Variants in PTPN2 observed in about 807,000 individuals in gnomAD.
PTPN2 encodes the protein protein tyrosine phosphatase non-receptor type 2.
PTPN2 carries 19 observed loss-of-function variants against 57.3 expected under a neutral mutation model. The ratio of observed to expected loss-of-function variants is 0.33; its 90% confidence interval spans 0.23 to 0.49. The LOEUF (loss-of-function observed/expected upper bound fraction) is 0.49. Among genes scored for constraint, PTPN2 ranks in the 20% least tolerant of loss-of-function variants. The probability of loss-of-function intolerance (pLI) is 0.99; values close to 1 mark genes in which losing one functional copy is unlikely to be tolerated. For missense variants in PTPN2, 358 were observed against 501.1 expected, an observed-to-expected ratio of 0.71 and a Z score of 2.73; for synonymous variants, 153 against 164.9, an observed-to-expected ratio of 0.93 and a Z score of 0.55.
intron 9 of PTPN2, chr18:12,786,078 C>T (rs2040837445): frequency 3.9e-6 from 2 of 514,090 alleles, no homozygotes; most frequent in Non-Finnish European, 6.8e-6. Context: ...GTGGAAGCAT[C>T]GTGACTTATA....
chr18:12,877,730 G>A (rs959608404), intron 1 of PTPN2, among the ~76,000 whole-genome samples: 14 of 152,292 alleles, frequency 9.2e-5, no homozygotes, highest in Admixed American at 6.5e-4. Context: ...GAAAAATGGC[G>A]GCCAGGCGCA....
chr18:12,809,305 T>A (rs8085163), intron 7 of PTPN2, among the ~76,000 whole-genome samples: 23,027 of 152,242 alleles, frequency 0.15, 1,944 homozygotes, highest in African/African-American at 0.21. Flanking sequence ...GAAAATATGT[T>A]TCCTGTGCTC....
intron 5 of PTPN2, among the ~76,000 whole-genome samples, chr18:12,820,497 A>G (rs532391521): frequency 1.3e-5 from 2 of 152,200 alleles, no homozygotes; most frequent in African/African-American, 2.4e-5. Context: ...GGGGAAAAAA[A>G]GGGTTGCCAA....
chr18:12,793,811 A>G lies in PTPN2; in HGVS notation c.*467T>C. The G allele has an allele frequency of 1.1e-6, 1 of 948,554 alleles. No individual in the cohort carries two copies. The highest frequency in any genetic ancestry group is 1.3e-6 in the Non-Finnish European group (1 of 793,960). 58.8% of individuals were successfully genotyped at this position (948,554 alleles called of 1,614,324 possible). ...ATTTACCCTGAAATGCTTAAGAATA[A>G]AAGTGTTGATGCCCATGTCAATAGT... On this transcript the variant is annotated 3_prime_UTR_variant, in exon 9 of 9. Transcript: ENST00000309660.
At chr18:12,861,812 T>A (rs1182992842) in intron 1 of PTPN2, among the ~76,000 whole-genome samples, 1 of 152,160 alleles carries the variant, frequency 6.6e-6, no homozygotes, top group Non-Finnish European at 1.5e-5. Context: ...TTTTCCACAC[T>A]TAAGGCCATC....
chr18:12,866,143 A>G (rs368238579), intron 1 of PTPN2, among the ~76,000 whole-genome samples: 16 of 152,234 alleles, frequency 1.1e-4, no homozygotes, highest in East Asian at 7.7e-4. Context: ...ACATTATGCT[A>G]AGTTAAAGAA....
chr18:12,790,429 GTGAGT>G (rs1438970194), downstream of PTPN2, among the ~76,000 whole-genome samples: 3 of 152,196 alleles, frequency 2.0e-5, no homozygotes, highest in Admixed American at 2.0e-4. Context: ...TCAGAGGGAA[GTGAGT>G]TGCAGTTGCA....
At chr18:12,831,114 AAG>A in intron 3 of PTPN2, 73 bp from the exon 4 acceptor site, 1 of 1,033,956 alleles carries the variant, frequency 9.7e-7, no homozygotes, top group Admixed American at 1.9e-5. Context: ...AGGCCTTGTT[AAG>A]TCTGCTCCTG....
chr18:12,791,698 T>C (rs892225539), downstream of PTPN2, among the ~76,000 whole-genome samples: 2 of 152,164 alleles, frequency 1.3e-5, no homozygotes, highest in African/African-American at 4.8e-5. Flanking sequence ...GAAGGAAAGA[T>C]GACTAACCTT....
At chr18:12,828,963 C>T (rs2042573058) in intron 4 of PTPN2, among the ~76,000 whole-genome samples, 1 of 152,050 alleles carries the variant, frequency 6.6e-6, no homozygotes, top group Non-Finnish European at 1.5e-5. Flanking sequence ...AGTGGCACGA[C>T]CATAGCTAAC....
intron 1 of PTPN2, chr18:12,863,921 T>G (rs2043904036): frequency 6.6e-6 from 1 of 152,234 alleles, no homozygotes; most frequent in Non-Finnish European, 1.5e-5. Context: ...TGATCCAAAA[T>G]GTAGGCAACT....
At chr18:12,808,501 G>C (rs574157973) in intron 7 of PTPN2, among the ~76,000 whole-genome samples, 2 of 152,234 alleles carry the variant, frequency 1.3e-5, no homozygotes, top group South Asian at 4.1e-4. Flanking sequence ...ACAAAGGCCG[G>C]GGCATGCGGT....
exon 10 of PTPN2, chr18:12,785,637 CAA>C (rs1403281254): frequency 9.3e-6 from 6 of 646,720 alleles, no homozygotes; most frequent in Admixed American, 3.0e-5. Flanking sequence ...AAAGGTTCTG[CAA>C]AGTCTTCTGC....
chr18:12,800,658 CAGTAA>C (rs1328632057), intron 8 of PTPN2, among the ~76,000 whole-genome samples: 2 of 152,062 alleles, frequency 1.3e-5, no homozygotes, highest in African/African-American at 4.8e-5. Flanking sequence ...GAAAATACAG[CAGTAA>C]AGCTATAATG....
At chr18:12,841,255 G>C (rs908280882) in intron 2 of PTPN2, among the ~76,000 whole-genome samples, 1 of 152,218 alleles carries the variant, frequency 6.6e-6, no homozygotes, top group African/African-American at 2.4e-5. Flanking sequence ...ATTCAGAAAG[G>C]CTGGCGAGCT....
At chr18:12,822,762 T>G (rs2042314842) in intron 5 of PTPN2, among the ~76,000 whole-genome samples, 2 of 152,202 alleles carry the variant, frequency 1.3e-5, no homozygotes, top group African/African-American at 2.4e-5. Flanking sequence ...CCATTGGTTC[T>G]TTCTTTCTTG....
chr18:12,862,050 T>C (rs891640594), intron 1 of PTPN2: 1 of 152,108 alleles, frequency 6.6e-6, no homozygotes, highest in East Asian at 1.9e-4. Flanking sequence ...TCCAATATTG[T>C]TCTACTTTAT....
chr18:12,883,882 T>G (rs1342604608), intron 1 of PTPN2, 191 bp downstream of exon 1: 5 of 507,018 alleles, frequency 9.9e-6, no homozygotes, highest in African/African-American at 8.3e-5. Flanking sequence ...TTTTTTTTTT[T>G]TTTTTTTAAA....
intron 3 of PTPN2, among the ~76,000 whole-genome samples, chr18:12,834,843 G>A (rs1384368730): frequency 6.6e-6 from 1 of 152,138 alleles, no homozygotes; most frequent in African/African-American, 2.4e-5. Context: ...TTGTGATAAG[G>A]GATCTAGGGT....
Sources: allele counts gnomAD v4.1 joint callset (sites outside exome capture counted in the v4.1 genomes callset), GRCh38; gene constraint gnomAD v4.1.1; transcripts MANE v1.5; gene names NCBI Gene and HGNC (gene_info 2026-07-23, HGNC 2026-07-21).